PLCH1: variants seen among roughly 807,000 people sequenced by gnomAD.
PLCH1 encodes phospholipase C eta 1, also known as 1-phosphatidylinositol 4,5-bisphosphate phosphodiesterase eta-1.
PLCH1 carries 60 observed loss-of-function variants against 126.7 expected under a neutral mutation model. The ratio of observed to expected loss-of-function variants is 0.47; its 90% confidence interval spans 0.38 to 0.59. PLCH1 has a LOEUF of 0.59. Among genes scored for constraint, PLCH1 ranks in the 20% least tolerant of loss-of-function variants. PLCH1 has a pLI of 0.00. For synonymous variants in PLCH1, 719 were observed against 734.9 expected (o/e 0.98, Z 0.35); for missense variants, 1,723 against 2,040.0 (o/e 0.84, Z 2.99).
At chr3:155,467,574 C>CAAA (rs71302278) in intron 21 of PLCH1, among the ~76,000 whole-genome samples, 5 of 132,050 alleles carry the variant, frequency 3.8e-5, no homozygotes, top group African/African-American at 8.1e-5. Flanking sequence ...AACTCTGTCT[C>CAAA]AAAAAAAAAA....
At chr3:155,619,921 C>A (rs528612384) in intron 2 of PLCH1, among the ~76,000 whole-genome samples, 1 of 152,232 alleles carries the variant, frequency 6.6e-6, no homozygotes, top group South Asian at 2.1e-4. Flanking sequence ...AGAATCCCCT[C>A]AGGTTTACTT....
At chr3:155,675,973 T>C in intron 2 of PLCH1, 1 of 1,341,340 alleles carries the variant, frequency 7.5e-7, no homozygotes, top group Non-Finnish European at 1.0e-6. Context: ...ACACTTACCT[T>C]AAAATTAGTA....
chr3:155,744,319 T>C (rs900519176), intron 1 of PLCH1, among the ~76,000 whole-genome samples: 4 of 152,156 alleles, frequency 2.6e-5, no homozygotes, highest in Non-Finnish European at 4.4e-5. Flanking sequence ...GAGTATATCC[T>C]CCTCGCGCTG....
intron 2 of PLCH1, among the ~76,000 whole-genome samples, chr3:155,641,075 G>A (rs1389052697): frequency 6.6e-6 from 1 of 151,830 alleles, no homozygotes; most frequent in African/African-American, 2.4e-5. Context: ...TGCAAATTAG[G>A]TACTGAAATG....
At position 155,488,106 on chromosome 3, in the gene PLCH1, G is replaced by T; in HGVS notation, c.2541C>A (p.Gly847=). The change falls in exon 21 of 23, where the codon GGC becomes GGA. Residue 847 remains glycine, a splice_region_variant and synonymous_variant. Coordinates refer to ENST00000460012, the MANE Select transcript of PLCH1 (RefSeq NM_014996.4). Reference sequence around the variant, plus strand: ...GTCCTTCCAAATAGACATGCCGGTAGCCTGATAAAAGGAAAGAGAGTCGTT... The same window carrying T: ...GTCCTTCCAAATAGACATGCCGGTATCCTGATAAAAGGAAAGAGAGTCGTT... ...RTVTFSSLVP[G]YRHVYLEGLT... 2 of 1,599,980 alleles carry T rather than the reference G, an allele frequency of 1.3e-6. No homozygotes were observed. The highest frequency in any genetic ancestry group is 2.2e-5 in the South Asian group (2 of 90,750).
chr3:155,458,453 GGAAAGAAAGAAAGAAA>G (rs796818041), intron 21 of PLCH1, among the ~76,000 whole-genome samples: 7 of 28,680 alleles, frequency 2.4e-4, no homozygotes, highest in South Asian at 1.6e-3. Flanking sequence ...AAGGAAGGAA[GGAAAGAAAGAAAGAAA>G]GAAAGAAAGA....
At position 155,482,804 on chromosome 3, in the gene PLCH1, CTTGCTGGGACAGGGG is replaced by C. The variant is rs769054753; in HGVS notation, c.3207_3221del (p.Asn1069_Ser1073del). On this transcript the variant is annotated inframe_deletion, in exon 23 of 23. Coordinates refer to ENST00000460012, the MANE Select transcript of PLCH1 (RefSeq NM_014996.4). ...CCAAATGCTGCTTTGGGGAGAGAGA[CTTGCTGGGACAGGGG>C]TTTTCCTGGCAATTGCTTGTGGCAT... The C allele has an allele frequency of 1.8e-5, 29 of 1,614,006 alleles. No individual in the cohort carries two copies. In the African/African-American group the frequency reaches 2.4e-4, roughly 13 times the overall value.
At position 155,485,443 on chromosome 3, in the gene PLCH1, T is replaced by C. The variant is rs746295695; in HGVS notation, c.2887A>G (p.Met963Val). 2 of 1,613,986 alleles carry C rather than the reference T, an allele frequency of 1.2e-6. No individual in the cohort carries two copies. The highest frequency in any genetic ancestry group is 1.3e-5 in the African/African-American group (1 of 75,048). ...CCCAGAAGGTTTCTGTCAACAGGCATAGAGACAGGGCGTGCTTGCAAACTG... is the reference window on the plus strand; with the variant it reads ...CCCAGAAGGTTTCTGTCAACAGGCACAGAGACAGGGCGTGCTTGCAAACTG... ...TRSLQARPVS[M>V]PVDRNLLGAL... Residue 963 changes from methionine to valine, a missense_variant, in exon 22 of 23, where the codon ATG (methionine) becomes GTG (valine). Met to Val is a conservative substitution (Grantham distance 21). This residue lies in a region of PLCH1 where 947 missense variants were observed against 977.1 expected (regional missense o/e 0.97). Coordinates refer to ENST00000460012, the MANE Select transcript of PLCH1 (RefSeq NM_014996.4).
At chr3:155,634,399 T>TC (rs1217390177) in intron 2 of PLCH1, among the ~76,000 whole-genome samples, 1 of 151,980 alleles carries the variant, frequency 6.6e-6, no homozygotes, top group Non-Finnish European at 1.5e-5. Context: ...AAGCCTCTTT[T>TC]CCCCCAAATC....
At chr3:155,546,735 C>T (rs1725341061) in intron 10 of PLCH1, among the ~76,000 whole-genome samples, 1 of 149,182 alleles carries the variant, frequency 6.7e-6, no homozygotes, top group Non-Finnish European at 1.5e-5. Context: ...AATAACGCCC[C>T]ATGTCTACAA....
At chr3:155,537,223 A>AAC (rs1723540753) in intron 10 of PLCH1, among the ~76,000 whole-genome samples, 1 of 10,780 alleles carries the variant, frequency 9.3e-5, no homozygotes. Context: ...AAAAAAAAAA[A>AAC]AAAAAAAAAA....
In PLCH1 at chr3:155,596,216, C is replaced by A; in HGVS notation, c.226+16G>T. Reference sequence around the variant, plus strand: ...ACTATGTCCAGCCAAGCAAAGAATTCAAAGATTTGTTTTACTTTTTGCCTT... The same window carrying A: ...ACTATGTCCAGCCAAGCAAAGAATTAAAAGATTTGTTTTACTTTTTGCCTT... On this transcript the variant is annotated intron_variant, in intron 3 of 22. Transcript: ENST00000460012. 6.2e-7 allele frequency: 1 copy of A among 1,607,040 alleles called. No homozygotes were observed. Among genetic ancestry groups the A allele is most frequent in the South Asian group, 1.1e-5 (1 of 90,574 alleles).
intron 12 of PLCH1, among the ~76,000 whole-genome samples, chr3:155,512,172 C>G (rs143795763): frequency 6.6e-6 from 1 of 151,936 alleles, no homozygotes; most frequent in Admixed American, 6.6e-5. Context: ...TGACCCCTTG[C>G]GCTTCCCAGG....
chr3:155,524,056 C>A, intron 10 of PLCH1, 52 bp from the exon 11 acceptor site: 2 of 1,091,770 alleles, frequency 1.8e-6, no homozygotes, highest in Non-Finnish European at 2.8e-6. Flanking sequence ...TTCACAATAG[C>A]CAAAAGGTGG....
At position 155,485,344 on chromosome 3, in the gene PLCH1, A is replaced by G. The variant is rs1451175325; in HGVS notation, c.2974+12T>C. The G allele has an allele frequency of 1.3e-5, 20 of 1,557,826 alleles. No individual in the cohort carries two copies. The South Asian group carries it at 2.1e-4, about 17-fold the overall frequency. On this transcript the variant is annotated intron_variant, in intron 22 of 22. Coordinates refer to ENST00000460012, the MANE Select transcript of PLCH1 (RefSeq NM_014996.4). ...GAAGGGTTTATTCTCAGAGAAACTT[A>G]AAGCATCTTACCTAGAGAGTTTTCT...
chr3:155,486,016 GC>G (rs1449774528), intron 21 of PLCH1: 5 of 647,658 alleles, frequency 7.7e-6, no homozygotes, highest in Non-Finnish European at 1.3e-5. Flanking sequence ...TGAACTTCAG[GC>G]GCCTTAAAGC....
intron 6 of PLCH1, among the ~76,000 whole-genome samples, chr3:155,582,077 T>A (rs1730781919): frequency 4.4e-5 from 1 of 22,506 alleles, no homozygotes; most frequent in Non-Finnish European, 1.3e-4. Flanking sequence ...TTTTCTTTCT[T>A]TTTTTTTTTT....
At chr3:155,470,442 A>T (rs1175465541) in intron 21 of PLCH1, among the ~76,000 whole-genome samples, 1 of 152,190 alleles carries the variant, frequency 6.6e-6, no homozygotes, top group African/African-American at 2.4e-5. Context: ...GACCAAATCT[A>T]CATCTGATTG....
chr3:155,619,392 T>G (rs62287281), intron 2 of PLCH1, among the ~76,000 whole-genome samples: 73,239 of 150,778 alleles, frequency 0.49, 20,142 homozygotes, highest in African/African-American at 0.74. Context: ...TATTCCATAC[T>G]CCAACAAATT....
Sources: allele counts gnomAD v4.1 joint callset (sites outside exome capture counted in the v4.1 genomes callset), GRCh38; gene constraint gnomAD v4.1.1; regional missense constraint gnomAD v4.1.1; transcripts MANE v1.5; gene names NCBI Gene and HGNC (gene_info 2026-07-23, HGNC 2026-07-21).